Variants in EYS observed in about 807,000 individuals in gnomAD.
EYS encodes the protein EGF-like photoreceptor maintenance factor.
EYS carries 250 observed loss-of-function variants against 282.1 expected under a neutral mutation model. The observed-to-expected ratio is 0.89, with a 90% confidence interval of 0.80 to 0.98. The LOEUF is 0.98. Ranked by LOEUF, EYS falls within the 50% of genes least tolerant of loss-of-function variation. EYS has a pLI of 0.00. For missense variants in EYS, 4,016 were observed against 3,709.0 expected, an observed-to-expected ratio of 1.08 and a Z score of -2.15; for synonymous variants, 1,355 against 1,282.9, an observed-to-expected ratio of 1.06 and a Z score of -1.20.
intron 33 of EYS, among the ~76,000 whole-genome samples, chr6:64,000,477 G>A (rs914518541): frequency 6.6e-6 from 1 of 151,500 alleles, no homozygotes; most frequent in South Asian, 2.1e-4. Context: ...TAGGATTACA[G>A]GCGTGAGCCA....
At chr6:65,292,861 A>T (rs1768564779) in intron 12 of EYS, among the ~76,000 whole-genome samples, 1 of 151,804 alleles carries the variant, frequency 6.6e-6, no homozygotes, top group African/African-American at 2.4e-5. Flanking sequence ...TAAAAATAGA[A>T]TAAAGTTGTC....
At chr6:64,246,996 A>T (rs1460118243) in intron 30 of EYS, among the ~76,000 whole-genome samples, 1 of 152,144 alleles carries the variant, frequency 6.6e-6, no homozygotes, top group Non-Finnish European at 1.5e-5. Flanking sequence ...ATGCCTTGCC[A>T]TTATGGTTAG....
At chr6:64,394,449 C>G (rs1190297505) in intron 28 of EYS, among the ~76,000 whole-genome samples, 2 of 152,164 alleles carry the variant, frequency 1.3e-5, no homozygotes, top group South Asian at 2.1e-4. Flanking sequence ...ATCAATGGAA[C>G]AGAATAGAGC....
At chr6:65,310,543 A>G (rs1458545895) in intron 11 of EYS, among the ~76,000 whole-genome samples, 2 of 151,898 alleles carry the variant, frequency 1.3e-5, no homozygotes, top group African/African-American at 4.8e-5. Flanking sequence ...GGAAATAAAA[A>G]AACCCAAACT....
intron 2 of EYS, among the ~76,000 whole-genome samples, chr6:65,538,455 CTGT>C (rs1469514139): frequency 6.6e-6 from 1 of 152,082 alleles, no homozygotes; most frequent in Non-Finnish European, 1.5e-5. Context: ...GTACCAGATC[CTGT>C]TGTTAAGTGC....
chr6:64,349,728 C>T (rs1008676312), intron 29 of EYS, among the ~76,000 whole-genome samples: 7 of 151,492 alleles, frequency 4.6e-5, no homozygotes, highest in Non-Finnish European at 8.9e-5. Context: ...CTTAAACTGT[C>T]TGCAATTTGT....
At position 64,997,594 on chromosome 6, in the gene EYS, T is replaced by C; in HGVS notation, c.2247A>G (p.Lys749=). The C allele has an allele frequency of 6.4e-7, 1 of 1,551,196 alleles. No homozygotes were observed. The highest frequency in any genetic ancestry group is 8.7e-7 in the Non-Finnish European group (1 of 1,146,518). Reference sequence around the variant, plus strand: ...AGTGGATACTAACGAGATGCAGGTCTTTGCAGGTAGAATTGTGCTCACAGG... The same window carrying C: ...AGTGGATACTAACGAGATGCAGGTCCTTGCAGGTAGAATTGTGCTCACAGG... ...LNACEHNSTC[K]DLHLSYQCVC... The change falls in exon 14 of 43, where the codon AAA becomes AAG. Residue 749 remains lysine, a synonymous_variant. Coordinates refer to ENST00000503581, the MANE Select transcript of EYS (RefSeq NM_001142800.2).
chr6:64,190,785 T>G (rs955531585), intron 31 of EYS, among the ~76,000 whole-genome samples: 2 of 152,152 alleles, frequency 1.3e-5, no homozygotes, highest in African/African-American at 4.8e-5. Flanking sequence ...AAAATTAGGC[T>G]GGAGAAGAAT....
At chr6:64,088,967 C>T (rs1405904924) in intron 31 of EYS, among the ~76,000 whole-genome samples, 1 of 151,850 alleles carries the variant, frequency 6.6e-6, no homozygotes, top group Non-Finnish European at 1.5e-5. Flanking sequence ...GATTGTATTT[C>T]TTGGTACCAG....
chr6:64,715,256 T>C lies in EYS; in HGVS notation c.3444-89011A>G, dbSNP rs537507159. ...TTTCCTGCAACTAAATGGTTCCTTCTGGGGGTGATGGGAGACAGTGGTACC... is the reference window on the plus strand; with the variant it reads ...TTTCCTGCAACTAAATGGTTCCTTCCGGGGGTGATGGGAGACAGTGGTACC... On this transcript the variant is annotated intron_variant, in intron 22 of 42. Transcript: ENST00000503581. 5.3e-5 allele frequency among the ~76,000 whole-genome samples: 8 copies of C among 152,300 alleles called. No individual in the cohort carries two copies. In the East Asian group the frequency reaches 1.5e-3, roughly 29 times the overall value.
At chr6:64,561,481 A>C (rs549813406) in intron 26 of EYS, among the ~76,000 whole-genome samples, 103 of 152,290 alleles carry the variant, frequency 6.8e-4, no homozygotes, top group African/African-American at 1.9e-3. Flanking sequence ...GAAAAGTTTC[A>C]GGATACAAAA....
At chr6:64,445,143 T>G (rs1008959274) in intron 26 of EYS, among the ~76,000 whole-genome samples, 1 of 152,218 alleles carries the variant, frequency 6.6e-6, no homozygotes, top group Non-Finnish European at 1.5e-5. Flanking sequence ...TTTTAAAAAG[T>G]CAGGACGATA....
intron 22 of EYS, among the ~76,000 whole-genome samples, chr6:64,784,543 G>T (rs1343781792): frequency 6.6e-6 from 1 of 152,068 alleles, no homozygotes; most frequent in Non-Finnish European, 1.5e-5. Flanking sequence ...TTTACTCATT[G>T]TTATGTCCTC....
intron 31 of EYS, among the ~76,000 whole-genome samples, chr6:64,213,421 G>C (rs111566899): frequency 0.011 from 1,720 of 152,210 alleles, 31 homozygotes; most frequent in African/African-American, 0.038. Flanking sequence ...AAAATGCATA[G>C]TATTTCAAAA....
At chr6:64,346,383 T>C (rs1318563959) in intron 29 of EYS, among the ~76,000 whole-genome samples, 2 of 152,008 alleles carry the variant, frequency 1.3e-5, no homozygotes, top group African/African-American at 2.4e-5. Context: ...TAAAAAATGA[T>C]GAGTTCATGT....
chr6:64,192,408 T>C (rs1765142774), intron 31 of EYS, among the ~76,000 whole-genome samples: 1 of 151,756 alleles, frequency 6.6e-6, no homozygotes, highest in Non-Finnish European at 1.5e-5. Flanking sequence ...CTTGCCTGCA[T>C]CACGCTACCT....
chr6:63,945,234 T>C (rs1040003805), intron 35 of EYS, among the ~76,000 whole-genome samples: 1 of 152,118 alleles, frequency 6.6e-6, no homozygotes, highest in Non-Finnish European at 1.5e-5. Flanking sequence ...GAACACATCC[T>C]TCTCCACATG....
intron 26 of EYS, among the ~76,000 whole-genome samples, chr6:64,527,139 A>G (rs1777947610): frequency 6.6e-6 from 1 of 151,860 alleles, no homozygotes; most frequent in Non-Finnish European, 1.5e-5. Context: ...TAACTACAAC[A>G]AGTTCAAAGC....
intron 35 of EYS, among the ~76,000 whole-genome samples, chr6:63,945,912 C>T (rs550093301): frequency 6.6e-6 from 1 of 152,206 alleles, no homozygotes; most frequent in African/African-American, 2.4e-5. Context: ...AAGTATTTGT[C>T]CCAACTGCCC....
Sources: allele counts gnomAD v4.1 joint callset (sites outside exome capture counted in the v4.1 genomes callset), GRCh38; gene constraint gnomAD v4.1.1; transcripts MANE v1.5; gene names NCBI Gene and HGNC (gene_info 2026-07-23, HGNC 2026-07-21).